Variants in USP26 observed in about 807,000 individuals in gnomAD.
USP26 encodes the protein ubiquitin carboxyl-terminal hydrolase 26.
For missense variants in USP26, 649 were observed against 642.3 expected, an observed-to-expected ratio of 1.01 and a Z score of -0.11; for synonymous variants, 236 against 240.6, an observed-to-expected ratio of 0.98 and a Z score of 0.18.
intron 5 of USP26, among the ~76,000 whole-genome samples, chrX:133,050,288 G>A (rs1021706679): frequency 8.9e-6 from 1 of 111,979 alleles, no homozygotes; most frequent in African/African-American, 3.2e-5. Context: ...CTTTCTGAAG[G>A]GTGAGCAACA....
Position 133,028,141 on chromosome X carries a change from A to T in USP26, c.80T>A (p.Ile27Asn). The T allele has an allele frequency of 8.3e-7, 1 of 1,211,395 alleles. No individual in the cohort carries two copies. Among genetic ancestry groups the T allele is most frequent in the Non-Finnish European group, 1.1e-6 (1 of 895,233 alleles). The change falls in exon 6 of 6, where the codon ATT (isoleucine) becomes AAT (asparagine). Residue 27 changes from isoleucine (I) to asparagine (N), a missense_variant. Ile to Asn is a moderately radical substitution (Grantham distance 149, BLOSUM62 -3). Coordinates refer to ENST00000511190, the MANE Select transcript of USP26 (RefSeq NM_031907.3). ...TTTCTTCTTTCTTTCCACTGCTTCAATGAATGCTTCTTTTGACTTAGATAT... is the reference window on the plus strand; with the variant it reads ...TTTCTTCTTTCTTTCCACTGCTTCATTGAATGCTTCTTTTGACTTAGATAT... ...TGISKSKEAF[I>N]EAVERKKKDR...
At chrX:133,078,857 GC>G (rs2067560083) in intron 5 of USP26, among the ~76,000 whole-genome samples, 1 of 111,763 alleles carries the variant, frequency 8.9e-6, no homozygotes, top group African/African-American at 3.2e-5. Context: ...AGGAACAAAT[GC>G]AAATAACTGT....
chrX:133,044,769 A>G (rs1040805873), intron 5 of USP26, among the ~76,000 whole-genome samples: 1 of 113,260 alleles, frequency 8.8e-6, no homozygotes, highest in African/African-American at 3.2e-5. Flanking sequence ...GTGCAAGCAC[A>G]AGGTGCAGGA....
At chrX:133,089,081 T>A (rs1260862452) in intron 4 of USP26, among the ~76,000 whole-genome samples, 3 of 110,450 alleles carry the variant, frequency 2.7e-5, no homozygotes, top group African/African-American at 9.9e-5. Flanking sequence ...AATGTCAATG[T>A]GCTATGTAAC....
chrX:133,054,900 A>G (rs925249664), intron 5 of USP26, among the ~76,000 whole-genome samples: 2 of 112,360 alleles, frequency 1.8e-5, no homozygotes, highest in Non-Finnish European at 3.8e-5. Flanking sequence ...AATTACATGT[A>G]CTATTTATCA....
intron 5 of USP26, among the ~76,000 whole-genome samples, chrX:133,077,386 A>G (rs2067553148): frequency 8.9e-6 from 1 of 111,881 alleles, no homozygotes; most frequent in Admixed American, 9.5e-5. Flanking sequence ...TGAGCAACCC[A>G]TTCTCCAGTA....
intron 5 of USP26, among the ~76,000 whole-genome samples, chrX:133,055,464 CA>C (rs897999013): frequency 9.0e-6 from 1 of 111,602 alleles, no homozygotes; most frequent in Non-Finnish European, 1.9e-5. Flanking sequence ...TATTAAAACA[CA>C]AAGAGACAAA....
At chrX:133,091,902 C>T (rs1438124863) in intron 1 of USP26, among the ~76,000 whole-genome samples, 1 of 111,729 alleles carries the variant, frequency 9.0e-6, no homozygotes, top group Non-Finnish European at 1.9e-5. Flanking sequence ...TGGACTTTTC[C>T]ATCACAGGTT....
chrX:133,078,017 G>A (rs1602987910), intron 5 of USP26, among the ~76,000 whole-genome samples: 1 of 111,088 alleles, frequency 9.0e-6, no homozygotes, highest in African/African-American at 3.3e-5. Flanking sequence ...CCAGGAAGTT[G>A]AGGCTGCAGT....
rs185505026 is a variant in USP26, at chrX:133,025,992, G to C, written c.2229C>G (p.Asp743Glu). ...QKVSEQTQQC[D>E]GMRICEQAPQ... ...GGGCTTGTTCACAGATTCTCATACC[G>C]TCACACTGCTGAGTCTGTTCAGACA... Residue 743 changes from aspartate to glutamate, a missense_variant, in exon 6 of 6, where the codon GAC becomes GAG. Asp to Glu is a conservative substitution (Grantham distance 45). Coordinates refer to ENST00000511190, the MANE Select transcript of USP26 (RefSeq NM_031907.3). 2 of 1,208,346 alleles carry C rather than the reference G, an allele frequency of 1.7e-6. No homozygotes were observed. Among genetic ancestry groups the C allele is most frequent in the Admixed American group, 4.4e-5 (2 of 45,632 alleles).
intron 5 of USP26, among the ~76,000 whole-genome samples, chrX:133,043,342 A>C (rs1213626455): frequency 8.9e-6 from 1 of 112,360 alleles, no homozygotes; most frequent in East Asian, 2.8e-4. Context: ...CCCCAGACAC[A>C]CAGGTCCTTT....
intron 4 of USP26, 134 bp downstream of exon 4, chrX:133,089,979 C>G (rs1425010410): frequency 8.9e-6 from 1 of 112,127 alleles, no homozygotes; most frequent in Admixed American, 9.5e-5. Context: ...AAAAAATTAG[C>G]TGAGTGTGGT....
chrX:133,036,870 C>G (rs1286561731), intron 5 of USP26, among the ~76,000 whole-genome samples: 2 of 112,559 alleles, frequency 1.8e-5, no homozygotes, highest in African/African-American at 3.2e-5. Flanking sequence ...TGATCACATT[C>G]TAACTGGCGT....
At chrX:133,076,990 A>G (rs918280032) in intron 5 of USP26, among the ~76,000 whole-genome samples, 8 of 112,387 alleles carry the variant, frequency 7.1e-5, no homozygotes, top group Non-Finnish European at 1.3e-4. Context: ...TAATACAGAC[A>G]TCCATTTGGA....
At chrX:133,082,662 A>G (rs1221375960) in intron 5 of USP26, among the ~76,000 whole-genome samples, 2 of 111,938 alleles carry the variant, frequency 1.8e-5, no homozygotes, top group Non-Finnish European at 3.8e-5. Flanking sequence ...TGGTTTGTAT[A>G]CCCAATGAGT....
At chrX:133,029,249 G>A (rs1331533541) in intron 5 of USP26, among the ~76,000 whole-genome samples, 1 of 112,447 alleles carries the variant, frequency 8.9e-6, no homozygotes, top group Non-Finnish European at 1.9e-5. Context: ...TCTTCTCTAT[G>A]CTATTAACTT....
chrX:133,073,966 A>C (rs183013472), intron 5 of USP26, among the ~76,000 whole-genome samples: 19 of 111,301 alleles, frequency 1.7e-4, no homozygotes, highest in South Asian at 3.9e-4. Flanking sequence ...CATCTGAAAA[A>C]AAGAGATAAT....
In USP26 at chrX:133,023,765, G is replaced by A. The variant is rs1387970958; in HGVS notation, c.*1714C>T. Among the ~76,000 whole-genome samples, 1 of 111,830 alleles carries A rather than the reference G, an allele frequency of 8.9e-6. No homozygotes were observed. The highest frequency in any genetic ancestry group is 9.5e-5 in the Admixed American group (1 of 10,512). ...TTTGGAATCTGGTTTTCCTCTTACA[G>A]GGTATTACCTACTAATAACTTCCCC... On this transcript the variant is annotated 3_prime_UTR_variant, in exon 6 of 6. Transcript: ENST00000511190.
intron 5 of USP26, among the ~76,000 whole-genome samples, chrX:133,047,140 C>T (rs750531106): frequency 5.4e-5 from 6 of 111,723 alleles, no homozygotes; most frequent in East Asian, 5.6e-4. Context: ...TTACTTGCCC[C>T]GAATGAACCC....
Sources: allele counts gnomAD v4.1 joint callset (sites outside exome capture counted in the v4.1 genomes callset), GRCh38; gene constraint gnomAD v4.1.1; transcripts MANE v1.5; gene names NCBI Gene and HGNC (gene_info 2026-07-23, HGNC 2026-07-21).